Variants in FRK observed in about 807,000 individuals in gnomAD.
FRK encodes the protein tyrosine-protein kinase FRK.
Under a neutral mutation model 56.4 loss-of-function variants are expected in FRK, and 51 were observed. That is an observed-to-expected ratio of 0.90 (90% confidence interval 0.72 to 1.14). FRK has a LOEUF of 1.14. Ranked by LOEUF, FRK falls within the 50% of genes most tolerant of loss-of-function variation. The pLI is 0.00. For missense variants in FRK, 570 were observed against 601.4 expected, an observed-to-expected ratio of 0.95 and a Z score of 0.55; for synonymous variants, 245 against 217.9, an observed-to-expected ratio of 1.12 and a Z score of -1.10.
chr6:115,979,750 G>C (rs959050044), intron 2 of FRK, among the ~76,000 whole-genome samples: 2 of 152,058 alleles, frequency 1.3e-5, no homozygotes, highest in South Asian at 2.1e-4. Flanking sequence ...TATATGTTTA[G>C]ATATAAATAC....
At chr6:116,063,958 C>G (rs540775536), upstream of FRK, among the ~76,000 whole-genome samples, 25 of 152,238 alleles carry the variant, frequency 1.6e-4, no homozygotes, top group Admixed American at 2.0e-4. Flanking sequence ...GACTCCAGAG[C>G]CTGAGAGTAT....
intron 1 of FRK, among the ~76,000 whole-genome samples, chr6:116,029,348 T>A (rs1328279222): frequency 6.6e-6 from 1 of 152,182 alleles, no homozygotes; most frequent in Non-Finnish European, 1.5e-5. Flanking sequence ...TTTTGTACAC[T>A]GCTGTAACCC....
At chr6:116,087,698 C>A in the FRK span, among the ~76,000 whole-genome samples, 1 of 152,202 alleles carries the variant, frequency 6.6e-6, no homozygotes, top group South Asian at 2.1e-4. Context: ...CCATTCCCAG[C>A]CTAATTCTTA....
At chr6:116,087,282 GAAGT>G in the FRK span, among the ~76,000 whole-genome samples, 1 of 152,146 alleles carries the variant, frequency 6.6e-6, no homozygotes, top group South Asian at 2.1e-4. Flanking sequence ...ACTGAACTGA[GAAGT>G]AAGAAGCCAA....
the FRK span, among the ~76,000 whole-genome samples, chr6:116,093,627 T>C: frequency 3.3e-5 from 5 of 152,212 alleles, no homozygotes; most frequent in Non-Finnish European, 7.3e-5. Flanking sequence ...GGATCCCCAC[T>C]GGGACCTTGA....
At chr6:116,038,696 C>A (rs892933401) in intron 1 of FRK, 2 of 411,448 alleles carry the variant, frequency 4.9e-6, no homozygotes, top group Non-Finnish European at 9.5e-6. Flanking sequence ...AACCTATAAT[C>A]CCCAACCTAG....
At chr6:115,958,640 A>G (rs868191042) in intron 4 of FRK, among the ~76,000 whole-genome samples, 36 of 6,448 alleles carry the variant, frequency 5.6e-3, no homozygotes, top group Middle Eastern at 0.056. Flanking sequence ...AAAAGGAAAG[A>G]AAGAAAAGAA....
At chr6:115,988,765 T>C (rs527671360) in intron 2 of FRK, among the ~76,000 whole-genome samples, 15 of 152,130 alleles carry the variant, frequency 9.9e-5, no homozygotes, top group African/African-American at 3.4e-4. Flanking sequence ...CAATAACATA[T>C]TTTTGTCACT....
At chr6:116,050,467 C>T (rs12214384) in intron 1 of FRK, among the ~76,000 whole-genome samples, 12,636 of 152,200 alleles carry the variant, frequency 0.083, 729 homozygotes, top group Non-Finnish European at 0.13. Context: ...AACAGAGCAA[C>T]GCCTGCTTCC....
chr6:116,100,639 C>CAG, the FRK span, among the ~76,000 whole-genome samples: 1 of 152,196 alleles, frequency 6.6e-6, no homozygotes, highest in Non-Finnish European at 1.5e-5. Flanking sequence ...TTCTGGGCTC[C>CAG]TAGGCTTGCG....
intron 4 of FRK, among the ~76,000 whole-genome samples, chr6:115,957,894 G>T (rs2114562596): frequency 6.6e-6 from 1 of 152,276 alleles, no homozygotes; most frequent in African/African-American, 2.4e-5. Context: ...TCATTACCAA[G>T]ATAATAGCAA....
rs1167447722 is a variant in FRK, at chr6:115,935,709, C to T, written c.*6705G>A. On this transcript the variant is annotated 3_prime_UTR_variant, in exon 8 of 8. Coordinates refer to ENST00000606080, the MANE Select transcript of FRK (RefSeq NM_002031.3). The stretch of plus-strand genomic sequence containing the variant: ...GAAGCTTGAGTAGGCATTTTACCCT[C>T]ACAGTCTAAACAAAGCTGCCTGGGA... 2 of 152,338 alleles carry T rather than the reference C, an allele frequency of 1.3e-5. No homozygotes were observed. Among genetic ancestry groups the T allele is most frequent in the Non-Finnish European group, 2.9e-5 (2 of 68,144 alleles). The allele number at this position is 152,338 out of a possible 1,614,324, so 9.4% of individuals were successfully genotyped here.
the FRK span, among the ~76,000 whole-genome samples, chr6:116,071,554 T>G: frequency 2.0e-5 from 3 of 152,178 alleles, no homozygotes; most frequent in Admixed American, 1.3e-4. Flanking sequence ...CAATCAGAAT[T>G]TGTTTGATGA....
At chr6:116,048,123 CTG>C (rs1411041945) in intron 1 of FRK, among the ~76,000 whole-genome samples, 3 of 152,212 alleles carry the variant, frequency 2.0e-5, no homozygotes, top group Admixed American at 6.5e-5. Flanking sequence ...TCTTATATTA[CTG>C]TGACATCTAT....
chr6:116,025,827 C>A (rs964073607), intron 1 of FRK, among the ~76,000 whole-genome samples: 1 of 152,132 alleles, frequency 6.6e-6, no homozygotes, highest in Non-Finnish European at 1.5e-5. Flanking sequence ...AGCTATAGTT[C>A]TCTGTTTATG....
intron 1 of FRK, among the ~76,000 whole-genome samples, chr6:116,013,649 C>T (rs1016262179): frequency 1.3e-5 from 2 of 152,070 alleles, no homozygotes; most frequent in Admixed American, 6.6e-5. Flanking sequence ...ATGTTCATTC[C>T]TATTCTCTAT....
At chr6:116,086,092 G>A in the FRK span, among the ~76,000 whole-genome samples, 6 of 151,188 alleles carry the variant, frequency 4.0e-5, no homozygotes, top group African/African-American at 7.3e-5. Context: ...TGTAAGCTCC[G>A]CCTCCCGAGT....
intron 2 of FRK, among the ~76,000 whole-genome samples, chr6:115,984,919 C>G (rs933797957): frequency 1.3e-5 from 2 of 152,014 alleles, no homozygotes; most frequent in African/African-American, 4.8e-5. Flanking sequence ...GCTCATGGAG[C>G]ATTTTTCTAT....
intron 4 of FRK, among the ~76,000 whole-genome samples, chr6:115,962,361 A>C (rs1338880720): frequency 6.6e-6 from 1 of 151,252 alleles, no homozygotes; most frequent in Non-Finnish European, 1.5e-5. Context: ...CTAAATATTT[A>C]TGCACCCAAT....
Sources: gnomAD v4.1 joint callset for allele counts (sites outside exome capture counted in the v4.1 genomes callset) on GRCh38, gnomAD v4.1.1 for gene constraint, MANE v1.5 for transcripts, NCBI Gene and HGNC (gene_info 2026-07-23, HGNC 2026-07-21) for gene names.